The following AGMO variants were observed in gnomAD, a reference collection of about 807,000 sequenced individuals.
The protein encoded by AGMO is alkylglycerol monooxygenase, also known as glyceryl-ether monooxygenase.
In AGMO, 75 loss-of-function variants were observed where a neutral mutation model predicts 60.2. The ratio of observed to expected loss-of-function variants is 1.25; its 90% confidence interval spans 1.03 to 1.51. The LOEUF (loss-of-function observed/expected upper bound fraction) is 1.51, where lower values mean the gene tolerates loss of function less well. AGMO is among the 40% of genes most tolerant of loss of function. The probability of loss-of-function intolerance (pLI) is 0.00; values close to 1 mark genes in which losing one functional copy is unlikely to be tolerated. For missense variants in AGMO, 763 were observed against 525.5 expected, an observed-to-expected ratio of 1.45 and a Z score of -4.42; for synonymous variants, 261 against 177.1, an observed-to-expected ratio of 1.47 and a Z score of -3.76.
chr7:15,470,784 C>A (rs1782433524), intron 3 of AGMO, among the ~76,000 whole-genome samples: 1 of 151,902 alleles, frequency 6.6e-6, no homozygotes, highest in Non-Finnish European at 1.5e-5. Flanking sequence ...AGATAAATTT[C>A]ACTGTTCTTT....
intron 12 of AGMO, among the ~76,000 whole-genome samples, chr7:15,247,457 C>CAGAG (rs1264615405): frequency 5.8e-4 from 69 of 119,444 alleles, no homozygotes; most frequent in African/African-American, 2.4e-3. Context: ...CACACACACA[C>CAGAG]ACAGAGAGAG....
At chr7:15,260,952 A>T (rs1038516168) in intron 12 of AGMO, among the ~76,000 whole-genome samples, 4 of 152,140 alleles carry the variant, frequency 2.6e-5, no homozygotes, top group Non-Finnish European at 5.9e-5. Context: ...GAAATAAAAA[A>T]ATTATTTGAA....
intron 3 of AGMO, among the ~76,000 whole-genome samples, chr7:15,527,883 A>G (rs776058894): frequency 1.3e-5 from 2 of 152,140 alleles, no homozygotes; most frequent in Non-Finnish European, 2.9e-5. Context: ...TGTTTACAGC[A>G]TGGTTTGCTG....
the AGMO span, among the ~76,000 whole-genome samples, chr7:15,133,362 A>G: frequency 1.3e-5 from 2 of 152,226 alleles, no homozygotes; most frequent in Admixed American, 1.3e-4. Flanking sequence ...ACAACTGAAC[A>G]GGTGGAGACA....
At chr7:15,309,028 G>A (rs1780690910) in intron 12 of AGMO, among the ~76,000 whole-genome samples, 2 of 152,084 alleles carry the variant, frequency 1.3e-5, no homozygotes, top group Admixed American at 6.6e-5. Flanking sequence ...ATTATCCCAA[G>A]TATTCAGGCA....
At chr7:15,131,293 T>C in the AGMO span, among the ~76,000 whole-genome samples, 2 of 152,152 alleles carry the variant, frequency 1.3e-5, no homozygotes, top group South Asian at 4.1e-4. Context: ...TAGAGCTCCA[T>C]AACTTAAAAT....
At chr7:15,224,680 A>G (rs961800323) in intron 12 of AGMO, among the ~76,000 whole-genome samples, 5 of 152,008 alleles carry the variant, frequency 3.3e-5, no homozygotes, top group Non-Finnish European at 7.4e-5. Context: ...GAAACTCTCT[A>G]TGCTTGAAAA....
At chr7:15,338,633 A>AT in intron 12 of AGMO, among the ~76,000 whole-genome samples, 3 of 152,022 alleles carry the variant, frequency 2.0e-5, no homozygotes, top group African/African-American at 7.2e-5. Context: ...AAATATATAT[A>AT]ATATTTCTAA....
chr7:15,321,225 T>C (rs1781097913), intron 12 of AGMO, among the ~76,000 whole-genome samples: 1 of 152,154 alleles, frequency 6.6e-6, no homozygotes, highest in South Asian at 2.1e-4. Flanking sequence ...TTCATACACT[T>C]TTCTGCTATA....
At chr7:15,180,946 A>AG in the AGMO span, among the ~76,000 whole-genome samples, 1 of 152,184 alleles carries the variant, frequency 6.6e-6, no homozygotes, top group Non-Finnish European at 1.5e-5. Context: ...AAGGCTCACA[A>AG]GCAAGGGATA....
chr7:15,189,757 G>A, the AGMO span, among the ~76,000 whole-genome samples: 5 of 151,552 alleles, frequency 3.3e-5, no homozygotes, highest in African/African-American at 1.2e-4. Flanking sequence ...TTCGAGCGCT[G>A]AGATGTAACA....
At chr7:15,438,374 G>C (rs62439309) in intron 3 of AGMO, among the ~76,000 whole-genome samples, 6,125 of 152,126 alleles carry the variant, frequency 0.04, 150 homozygotes, top group Middle Eastern at 0.051. Flanking sequence ...AACTGAACTA[G>C]AAGGTAGATA....
intron 12 of AGMO, among the ~76,000 whole-genome samples, chr7:15,289,302 AATG>A (rs1248942439): frequency 1.3e-5 from 2 of 150,868 alleles, no homozygotes; most frequent in East Asian, 1.9e-4. Context: ...TATAGAATTA[AATG>A]ATAAATTATT....
At chr7:15,315,517 T>C (rs1333645655) in intron 12 of AGMO, among the ~76,000 whole-genome samples, 1 of 151,920 alleles carries the variant, frequency 6.6e-6, no homozygotes, top group Non-Finnish European at 1.5e-5. Flanking sequence ...TTTGTATTTT[T>C]AGTAGAGACG....
chr7:15,370,120 G>A (rs1180108268), intron 10 of AGMO, among the ~76,000 whole-genome samples: 1 of 152,014 alleles, frequency 6.6e-6, no homozygotes, highest in Non-Finnish European at 1.5e-5. Context: ...GGTACCCAAT[G>A]TTTAGCTTCC....
intron 3 of AGMO, among the ~76,000 whole-genome samples, chr7:15,534,313 A>G (rs1210645312): frequency 6.6e-6 from 1 of 152,066 alleles, no homozygotes; most frequent in East Asian, 1.9e-4. Context: ...TTCTTTTAAA[A>G]CCTTTCATGT....
intron 12 of AGMO, among the ~76,000 whole-genome samples, chr7:15,271,502 T>C (rs1222676451): frequency 6.6e-6 from 1 of 152,166 alleles, no homozygotes; most frequent in Admixed American, 6.6e-5. Flanking sequence ...TTAACTATCT[T>C]TTTATGTTAA....
intron 12 of AGMO, chr7:15,306,533 C>A: frequency 2.1e-6 from 1 of 467,746 alleles, no homozygotes; most frequent in South Asian, 1.6e-5. Context: ...TCTCCTTGGC[C>A]TGGAGCCCAA....
At chr7:15,469,344 A>G (rs1782377538) in intron 3 of AGMO, among the ~76,000 whole-genome samples, 1 of 152,140 alleles carries the variant, frequency 6.6e-6, no homozygotes, top group Non-Finnish European at 1.5e-5. Context: ...AATTTTATCT[A>G]TAATATCTAA....
Sources: gnomAD v4.1 joint callset for allele counts (sites outside exome capture counted in the v4.1 genomes callset) on GRCh38, gnomAD v4.1.1 for gene constraint, MANE v1.5 for transcripts, NCBI Gene and HGNC (gene_info 2026-07-23, HGNC 2026-07-21) for gene names.